KIFC3: variants seen among roughly 807,000 people sequenced by gnomAD.
The protein encoded by KIFC3 is kinesin family member C3.
In KIFC3, 60 loss-of-function variants were observed where a neutral mutation model predicts 101.8. The ratio of observed to expected loss-of-function variants is 0.59; its 90% CI spans 0.48 to 0.73. KIFC3 has a LOEUF of 0.73. Ranked by LOEUF, KIFC3 falls within the 30% of genes least tolerant of loss-of-function variation. KIFC3 has a pLI of 0.00. For missense variants in KIFC3, 966 were observed against 1,137.1 expected, an observed-to-expected ratio of 0.85 and a Z score of 2.16; for synonymous variants, 476 against 482.7, an observed-to-expected ratio of 0.99 and a Z score of 0.18.
intron 12 of KIFC3, among the ~76,000 whole-genome samples, chr16:57,763,363 C>G (rs1046605656): frequency 1.3e-5 from 2 of 152,106 alleles, no homozygotes; most frequent in South Asian, 2.1e-4. Context: ...GGCCTGCCCC[C>G]ACTAACTAGT....
At chr16:57,823,330 A>G (rs1444842421) in intron 1 of KIFC3, among the ~76,000 whole-genome samples, 2 of 152,148 alleles carry the variant, frequency 1.3e-5, no homozygotes, top group African/African-American at 4.8e-5. Flanking sequence ...AACCAACGTA[A>G]ATCTTATATG....
At chr16:57,846,115 T>C (rs754713277) in intron 1 of KIFC3, among the ~76,000 whole-genome samples, 30 of 152,138 alleles carry the variant, frequency 2.0e-4, no homozygotes, top group Non-Finnish European at 3.5e-4. Flanking sequence ...AAGACACTTA[T>C]AAGCCTGTGC....
At chr16:57,821,849 G>A (rs2055358303) in intron 1 of KIFC3, among the ~76,000 whole-genome samples, 1 of 152,172 alleles carries the variant, frequency 6.6e-6, no homozygotes, top group Non-Finnish European at 1.5e-5. Flanking sequence ...GGAGTACGAG[G>A]TGGCAGTGAG....
chr16:57,811,376 G>A (rs75060674), intron 1 of KIFC3, among the ~76,000 whole-genome samples: 5 of 152,234 alleles, frequency 3.3e-5, no homozygotes, highest in South Asian at 2.1e-4. Flanking sequence ...CAGTAAAGCC[G>A]TTTAAGAGAG....
At chr16:57,826,929 C>A (rs970015816) in intron 1 of KIFC3, among the ~76,000 whole-genome samples, 8 of 152,330 alleles carry the variant, frequency 5.3e-5, no homozygotes, top group African/African-American at 1.9e-4. Context: ...CACGGTGCTG[C>A]GCTGGGACAC....
At chr16:57,771,470 A>G in intron 5 of KIFC3, 33 bp from the exon 6 acceptor site, 1 of 1,612,752 alleles carries the variant, frequency 6.2e-7, no homozygotes, top group Non-Finnish European at 8.5e-7. Context: ...GATGAGTGCA[A>G]GGGACAGGCT....
chr16:57,855,414 C>T (rs952009850), intron 1 of KIFC3, among the ~76,000 whole-genome samples: 5 of 151,538 alleles, frequency 3.3e-5, no homozygotes, highest in Admixed American at 6.6e-5. Context: ...CATGAGCCAC[C>T]GCACCCAGCC....
chr16:57,809,482 A>G (rs1413561686), intron 1 of KIFC3, among the ~76,000 whole-genome samples: 1 of 152,176 alleles, frequency 6.6e-6, no homozygotes, highest in Non-Finnish European at 1.5e-5. Flanking sequence ...AAATGGCTGC[A>G]TAATATTCCA....
chr16:57,805,825 G>A (rs76639885), upstream of KIFC3, among the ~76,000 whole-genome samples: 691 of 152,166 alleles, frequency 4.5e-3, 11 homozygotes, highest in East Asian at 0.07. Flanking sequence ...ACAGGCATGC[G>A]CCACCACGCC....
Position 57,771,185 on chromosome 16 carries a change from G to A in KIFC3, c.765+13C>T, listed in dbSNP as rs1366401011. ...CTTGGGCTGAGGCACAGATCAGGTG[G>A]GCCAGGGCTCACCTTGACAGGTGGG... On this transcript the variant is annotated intron_variant, in intron 6 of 19. Coordinates refer to ENST00000445690, the MANE Select transcript of KIFC3 (RefSeq NM_001130100.2). 3 of 1,611,198 alleles carry A rather than the reference G, an allele frequency of 1.9e-6. No homozygotes were observed. Among genetic ancestry groups the A allele is most frequent in the Non-Finnish European group, 2.5e-6 (3 of 1,179,542 alleles).
chr16:57,861,229 C>T (rs936978761), intron 1 of KIFC3, among the ~76,000 whole-genome samples: 13 of 152,104 alleles, frequency 8.5e-5, no homozygotes, highest in Admixed American at 1.3e-4. Flanking sequence ...AATATTGGGA[C>T]GTTTCCATAA....
intron 2 of KIFC3, among the ~76,000 whole-genome samples, 161 bp from the exon 3 acceptor site, chr16:57,795,302 C>T (rs2054199572): frequency 6.6e-6 from 1 of 152,226 alleles, no homozygotes; most frequent in Non-Finnish European, 1.5e-5. Context: ...AACGCCTGCC[C>T]TGCAGAGGGG....
chr16:57,758,580 G>A lies in KIFC3; in HGVS notation c.*354C>T. Reference sequence around the variant, plus strand: ...GGCCAGCTCTGCAAGCTGAGGAGAGGGGCCGAGAAAGCCTGGGTGAGAGGC... The same window carrying A: ...GGCCAGCTCTGCAAGCTGAGGAGAGAGGCCGAGAAAGCCTGGGTGAGAGGC... On this transcript the variant is annotated 3_prime_UTR_variant, in exon 20 of 20. Transcript: ENST00000445690. The A allele has an allele frequency of 1.5e-6, 1 of 668,530 alleles. No individual in the cohort carries two copies. Among genetic ancestry groups the A allele is most frequent in the Non-Finnish European group, 2.7e-6 (1 of 363,720 alleles). The allele number at this position is 668,530 out of a possible 1,614,324, so 41.4% of individuals were successfully genotyped here. A position where few individuals can be genotyped will look rare whatever the true frequency, so the allele number is the denominator to read the frequency against.
chr16:57,766,464 C>T (rs2050498929), intron 10 of KIFC3, among the ~76,000 whole-genome samples: 1 of 152,200 alleles, frequency 6.6e-6, no homozygotes, highest in South Asian at 2.1e-4. Flanking sequence ...ACCATAGCCT[C>T]GGGCTGGAAC....
chr16:57,811,419 A>T (rs782763805), intron 1 of KIFC3, among the ~76,000 whole-genome samples: 36 of 151,986 alleles, frequency 2.4e-4, no homozygotes, highest in Admixed American at 1.2e-3. Context: ...GACAGGAGAG[A>T]GAGAGACCTA....
intron 1 of KIFC3, among the ~76,000 whole-genome samples, chr16:57,858,764 C>G (rs1004205436): frequency 6.6e-6 from 1 of 151,996 alleles, no homozygotes; most frequent in Non-Finnish European, 1.5e-5. Flanking sequence ...CTGGCCAACA[C>G]GGTAAAACAC....
intron 1 of KIFC3, among the ~76,000 whole-genome samples, chr16:57,850,474 T>TG (rs1384301312): frequency 3.7e-5 from 5 of 134,768 alleles, no homozygotes; most frequent in Admixed American, 7.4e-5. Flanking sequence ...GGTTTTTTTT[T>TG]TTTTTTTTTT....
At chr16:57,768,463 T>G (rs2050736668) in intron 9 of KIFC3, among the ~76,000 whole-genome samples, 1 of 151,000 alleles carries the variant, frequency 6.6e-6, no homozygotes, top group Non-Finnish European at 1.5e-5. Context: ...TGTTTGAATC[T>G]GGGAATGCAG....
upstream of KIFC3, among the ~76,000 whole-genome samples, chr16:57,804,113 TTTAAA>T (rs2054876135): frequency 6.6e-6 from 1 of 152,216 alleles, no homozygotes; most frequent in South Asian, 2.1e-4. Flanking sequence ...AAGCCAGATT[TTTAAA>T]TTAATAATAA....
Sources: allele counts gnomAD v4.1 joint callset (sites outside exome capture counted in the v4.1 genomes callset), GRCh38; gene constraint gnomAD v4.1.1; transcripts MANE v1.5; gene names NCBI Gene and HGNC (gene_info 2026-07-23, HGNC 2026-07-21).